Variants in NEGR1 observed in about 807,000 individuals in gnomAD.
The protein encoded by NEGR1 is IgLON family member 4.
Under a neutral mutation model 40.9 loss-of-function variants are expected in NEGR1, and 10 were observed. The ratio of observed to expected loss-of-function variants is 0.24; its 90% confidence interval spans 0.15 to 0.42. The LOEUF (loss-of-function observed/expected upper bound fraction) is 0.42. Ranked by LOEUF, NEGR1 falls within the 10% of genes least tolerant of loss-of-function variation. NEGR1 has a pLI of 1.00. For missense variants in NEGR1, 352 were observed against 438.9 expected, an observed-to-expected ratio of 0.80 and a Z score of 1.77; for synonymous variants, 185 against 166.8, an observed-to-expected ratio of 1.11 and a Z score of -0.84.
At chr1:72,251,658 T>C (rs1393245788) in intron 1 of NEGR1, among the ~76,000 whole-genome samples, 2 of 152,180 alleles carry the variant, frequency 1.3e-5, no homozygotes, top group Admixed American at 1.3e-4. Flanking sequence ...TAGGGAATAA[T>C]GGCAAGGAAA....
chr1:71,478,727 T>G (rs1646836822), intron 6 of NEGR1, among the ~76,000 whole-genome samples: 1 of 152,046 alleles, frequency 6.6e-6, no homozygotes, highest in Non-Finnish European at 1.5e-5. Flanking sequence ...CCCCTCTTGC[T>G]TTCCCCCAAT....
At chr1:71,672,098 G>A (rs1223604775) in intron 4 of NEGR1, among the ~76,000 whole-genome samples, 6 of 151,882 alleles carry the variant, frequency 4.0e-5, no homozygotes, top group Non-Finnish European at 5.9e-5. Flanking sequence ...TTAGTGATAC[G>A]GAGCATGCCA....
intron 6 of NEGR1, among the ~76,000 whole-genome samples, chr1:71,489,338 C>T (rs574135064): frequency 8.8e-4 from 134 of 151,928 alleles, no homozygotes; most frequent in Middle Eastern, 3.4e-3. Flanking sequence ...TTTTCTAATT[C>T]GTGGCCCTCC....
At chr1:72,137,070 G>A (rs1650495673) in intron 1 of NEGR1, among the ~76,000 whole-genome samples, 1 of 152,088 alleles carries the variant, frequency 6.6e-6, no homozygotes. Flanking sequence ...CAATTAGAAT[G>A]GCGATCATTA....
intron 1 of NEGR1, among the ~76,000 whole-genome samples, chr1:72,069,477 A>G (rs1647372147): frequency 6.6e-6 from 1 of 152,092 alleles, no homozygotes; most frequent in Non-Finnish European, 1.5e-5. Flanking sequence ...ACTTATTATA[A>G]GTATGAATTT....
At chr1:71,451,566 C>T (rs1646628835) in intron 6 of NEGR1, among the ~76,000 whole-genome samples, 1 of 151,982 alleles carries the variant, frequency 6.6e-6, no homozygotes, top group African/African-American at 2.4e-5. Context: ...AAACTCCTAA[C>T]CTCAGGTGAT....
intron 2 of NEGR1, among the ~76,000 whole-genome samples, chr1:71,902,025 A>C (rs1262993275): frequency 1.3e-5 from 2 of 152,218 alleles, no homozygotes; most frequent in Admixed American, 6.5e-5. Context: ...GTGAAAAATA[A>C]AGCATAATGA....
chr1:72,027,990 C>A (rs1569847490), intron 1 of NEGR1, among the ~76,000 whole-genome samples: 1 of 152,232 alleles, frequency 6.6e-6, no homozygotes, highest in East Asian at 1.9e-4. Flanking sequence ...CCTGTACTTA[C>A]AATACCCTAC....
At chr1:72,163,729 A>AG (rs1651670663) in intron 1 of NEGR1, among the ~76,000 whole-genome samples, 1 of 60,334 alleles carries the variant, frequency 1.7e-5, no homozygotes, top group South Asian at 9.6e-4. Context: ...ACAGATATCT[A>AG]ATAGATAGAT....
chr1:72,170,600 C>T (rs1381463503), intron 1 of NEGR1, among the ~76,000 whole-genome samples: 1 of 152,136 alleles, frequency 6.6e-6, no homozygotes, highest in Non-Finnish European at 1.5e-5. Flanking sequence ...AATGTTTGTC[C>T]TTGCAAGTCC....
intron 1 of NEGR1, among the ~76,000 whole-genome samples, chr1:72,149,879 C>CAAAAAAAAAAAAAAAAAAA (rs1180110033): frequency 6.6e-4 from 26 of 39,192 alleles, no homozygotes; most frequent in Non-Finnish European, 9.7e-4. Context: ...AAAACTCTGT[C>CAAAAAAAAAAAAAAAAAAA]AAAAAAAAAA....
At chr1:71,598,256 T>C (rs1649795099) in intron 5 of NEGR1, among the ~76,000 whole-genome samples, 1 of 152,094 alleles carries the variant, frequency 6.6e-6, no homozygotes, top group African/African-American at 2.4e-5. Context: ...TCAGAAATCA[T>C]GGATACTTCA....
At chr1:71,840,137 G>T (rs1464300419) in intron 2 of NEGR1, among the ~76,000 whole-genome samples, 2 of 152,072 alleles carry the variant, frequency 1.3e-5, no homozygotes, top group Non-Finnish European at 2.9e-5. Flanking sequence ...CAGGACTATA[G>T]AAGTGGGATC....
intron 4 of NEGR1, among the ~76,000 whole-genome samples, chr1:71,667,150 A>G (rs1339618461): frequency 2.0e-5 from 3 of 152,308 alleles, no homozygotes; most frequent in Non-Finnish European, 4.4e-5. Flanking sequence ...GAGTAAACAG[A>G]ATTTTAGCAA....
intron 2 of NEGR1, among the ~76,000 whole-genome samples, chr1:71,906,857 T>C (rs1661290523): frequency 6.6e-6 from 1 of 152,154 alleles, no homozygotes; most frequent in South Asian, 2.1e-4. Flanking sequence ...TAGCTATACC[T>C]AGCACTTAAC....
chr1:71,454,526 A>G (rs770309896), intron 6 of NEGR1, among the ~76,000 whole-genome samples: 1 of 147,568 alleles, frequency 6.8e-6, no homozygotes, highest in Non-Finnish European at 1.5e-5. Flanking sequence ...GATAATTTAC[A>G]ATTTATCCAA....
chr1:71,835,506 C>T (rs1204327176), intron 2 of NEGR1, among the ~76,000 whole-genome samples: 1 of 152,088 alleles, frequency 6.6e-6, no homozygotes, highest in Admixed American at 6.6e-5. Context: ...CTTTTTCTTT[C>T]ACTCTCACCT....
intron 1 of NEGR1, among the ~76,000 whole-genome samples, chr1:72,078,557 C>T (rs12059071): frequency 0.013 from 1,991 of 151,034 alleles, 43 homozygotes; most frequent in African/African-American, 0.046. Context: ...TGTAAAAATT[C>T]AGCAACTGTC....
intron 4 of NEGR1, among the ~76,000 whole-genome samples, chr1:71,654,531 C>T (rs964334256): frequency 3.3e-5 from 5 of 152,008 alleles, no homozygotes; most frequent in Admixed American, 2.6e-4. Flanking sequence ...ATAAATAAAC[C>T]ATAAATATGG....
Sources: allele counts gnomAD v4.1 joint callset (sites outside exome capture counted in the v4.1 genomes callset), GRCh38; gene constraint gnomAD v4.1.1; transcripts MANE v1.5; gene names NCBI Gene and HGNC (gene_info 2026-07-23, HGNC 2026-07-21).